The following ANP32B variants were observed in gnomAD, a reference collection of about 807,000 sequenced individuals.
ANP32B encodes the protein acidic nuclear phosphoprotein 32 family member B.
In ANP32B, 6 loss-of-function variants were observed where a neutral mutation model predicts 32.2. The observed-to-expected ratio is 0.19, with a 90% confidence interval of 0.10 to 0.37. ANP32B has a LOEUF of 0.37. Among genes scored for constraint, ANP32B ranks in the 10% least tolerant of loss-of-function variants. ANP32B has a pLI of 1.00. For synonymous variants in ANP32B, 98 were observed against 105.8 expected (o/e 0.93, Z 0.45); for missense variants, 204 against 289.2 (o/e 0.71, Z 2.14).
chr9:97,983,834 T>TG (rs1827644592), intron 1 of ANP32B, among the ~76,000 whole-genome samples: 2 of 150,862 alleles, frequency 1.3e-5, no homozygotes, highest in African/African-American at 4.9e-5. Context: ...GGCAGCGGTG[T>TG]GGGGGAAAGC....
intron 3 of ANP32B, among the ~76,000 whole-genome samples, chr9:98,001,851 TA>T (rs940444775): frequency 2.7e-4 from 39 of 145,060 alleles, no homozygotes; most frequent in East Asian, 6.0e-4. Flanking sequence ...TTAGTAATTG[TA>T]AAAAAAAAAA....
rs761031783 is a variant in ANP32B at position 98,011,372 on chromosome 9, G to A, written c.619G>A (p.Asp207Asn). 7.6e-6 allele frequency: 12 copies of A among 1,578,650 alleles called. No homozygotes were observed. The highest frequency in any genetic ancestry group is 1.8e-5 in the Admixed American group (1 of 56,136). The change falls in exon 5 of 7, where the codon GAT (aspartate) becomes AAT (asparagine). Residue 207 changes from aspartate to asparagine, a missense_variant. Physicochemically the swap from Asp to Asn is conservative, Grantham distance 23 (BLOSUM62 1). Transcript: ENST00000339399. ...AGATGTAGAAGGGGATGAGGACGACGATGAAGTCAGTGAGGAGGTCAGTGC... is the reference window on the plus strand; with the variant it reads ...AGATGTAGAAGGGGATGAGGACGACAATGAAGTCAGTGAGGAGGTCAGTGC... ...DEDVEGDEDD[D>N]EVSEEEEEFG...
intron 1 of ANP32B, among the ~76,000 whole-genome samples, chr9:97,991,048 C>G (rs912142298): frequency 2.6e-5 from 4 of 151,762 alleles, no homozygotes; most frequent in African/African-American, 9.7e-5. Flanking sequence ...TCTCAAACTC[C>G]TGACCTCAGG....
chr9:98,011,164 C>G (rs202052250), intron 4 of ANP32B, 107 bp from the exon 5 acceptor site: 154 of 1,447,714 alleles, frequency 1.1e-4, no homozygotes, highest in Middle Eastern at 5.5e-4. Flanking sequence ...GACTGCAGTT[C>G]GTGGCCTTAC....
At chr9:97,985,218 T>G (rs1038759706) in intron 1 of ANP32B, among the ~76,000 whole-genome samples, 2 of 152,060 alleles carry the variant, frequency 1.3e-5, no homozygotes, top group Non-Finnish European at 2.9e-5. Context: ...CTCAGGTGGC[T>G]GTGGTTAACA....
chr9:97,984,729 A>C (rs1827677799), intron 1 of ANP32B: 1 of 148,730 alleles, frequency 6.7e-6, no homozygotes, highest in Non-Finnish European at 1.5e-5. Context: ...CTTGGCTCCC[A>C]CTGGCGGGAG....
Position 98,015,499 on chromosome 9 carries a change from G to GT in ANP32B, c.*71dup, listed in dbSNP as rs1828261330. ...TGGACTGCTCATGGATTTTGTAGCT[G>GT]TTTAAAAAAAAAAAAAAGGTAGCTG... On this transcript the variant is annotated 3_prime_UTR_variant, in exon 7 of 7. Transcript: ENST00000339399. 3 of 1,439,662 alleles carry GT rather than the reference G, an allele frequency of 2.1e-6. No individual in the cohort carries two copies. Among genetic ancestry groups the GT allele is most frequent in the Non-Finnish European group, 2.7e-6 (3 of 1,092,984 alleles). The allele number at this position is 1,439,662 out of a possible 1,614,324, so 89.2% of individuals were successfully genotyped here. A position where few individuals can be genotyped will look rare whatever the true frequency, so the allele number is the denominator to read the frequency against.
At chr9:97,990,743 C>CT (rs1827810389) in intron 1 of ANP32B, among the ~76,000 whole-genome samples, 2 of 151,716 alleles carry the variant, frequency 1.3e-5, no homozygotes, top group African/African-American at 2.4e-5. Flanking sequence ...CTTGAAGGAG[C>CT]TGTCCCTCCT....
At chr9:98,008,747 G>A (rs1034163801) in intron 4 of ANP32B, among the ~76,000 whole-genome samples, 2 of 152,168 alleles carry the variant, frequency 1.3e-5, no homozygotes, top group African/African-American at 2.4e-5. Context: ...CTGTCTAGTT[G>A]CAGGGAAAAC....
At chr9:98,002,987 C>T (rs2131587987) in intron 3 of ANP32B, among the ~76,000 whole-genome samples, 1 of 152,252 alleles carries the variant, frequency 6.6e-6, no homozygotes, top group South Asian at 2.1e-4. Context: ...GAAGAGAAAG[C>T]CAGTATGCTA....
At chr9:98,006,399 C>T (rs955330509) in intron 4 of ANP32B, among the ~76,000 whole-genome samples, 1 of 152,048 alleles carries the variant, frequency 6.6e-6, no homozygotes, top group African/African-American at 2.4e-5. Context: ...TTACCACTTC[C>T]ATCCACACCT....
At chr9:98,014,332 C>T (rs994657907) in intron 6 of ANP32B, among the ~76,000 whole-genome samples, 1 of 150,692 alleles carries the variant, frequency 6.6e-6, no homozygotes, top group Admixed American at 6.6e-5. Flanking sequence ...GGCATGAACC[C>T]GGGAGGCGGA....
At chr9:97,996,662 C>T (rs1026900359) in intron 2 of ANP32B, among the ~76,000 whole-genome samples, 31 of 151,992 alleles carry the variant, frequency 2.0e-4, no homozygotes, top group African/African-American at 7.5e-4. Context: ...GGTGCCATCT[C>T]GGCTCACTGC....
At chr9:97,988,089 A>G (rs1016205930) in intron 1 of ANP32B, among the ~76,000 whole-genome samples, 2 of 152,168 alleles carry the variant, frequency 1.3e-5, no homozygotes, top group African/African-American at 4.8e-5. Context: ...AATTTTTTCT[A>G]AACTTGGTTC....
intron 3 of ANP32B, 152 bp downstream of exon 3, chr9:97,998,830 C>A (rs566116512): frequency 6.6e-6 from 1 of 150,698 alleles, no homozygotes; most frequent in East Asian, 9.5e-5. Context: ...TTTTTTGAGA[C>A]GGAGTCTCGC....
chr9:97,990,814 C>CTTTTTTTTTTTTTT (rs34489949), intron 1 of ANP32B, among the ~76,000 whole-genome samples: 1 of 98,892 alleles, frequency 1.0e-5, no homozygotes, highest in African/African-American at 3.9e-5. Flanking sequence ...ACAGTTGAAC[C>CTTTTTTTTTTTTTT]TTTTTTTTTT....
At chr9:98,014,457 C>G (rs1828241323) in intron 6 of ANP32B, among the ~76,000 whole-genome samples, 1 of 151,716 alleles carries the variant, frequency 6.6e-6, no homozygotes, top group Admixed American at 6.6e-5. Flanking sequence ...TAGTTAATTT[C>G]ATTAAAATAA....
Position 97,992,183 on chromosome 9 carries a change from A to G in ANP32B, c.55-2448A>G, listed in dbSNP as rs145913347. On this transcript the variant is annotated intron_variant, in intron 1 of 6. Transcript: ENST00000339399. The stretch of plus-strand genomic sequence containing the variant: ...CAGCTCACTGCAACTTCTGCCTCCC[A>G]GGTTCAAGCAATTCTCCTGCCTCAG... Among the ~76,000 whole-genome samples the G allele has an allele frequency of 1.9e-3, 289 of 152,150 alleles. 1 individual carries two copies. Among genetic ancestry groups the G allele is most frequent in the African/African-American group, 6.8e-3 (284 of 41,506 alleles).
At chr9:98,012,571 T>C (rs898272288) in intron 6 of ANP32B, 99 bp downstream of exon 6, 23 of 1,523,162 alleles carry the variant, frequency 1.5e-5, no homozygotes, top group Non-Finnish European at 1.9e-5. Context: ...AATAAAATAC[T>C]CTTGGCTCTG....
Sources: gnomAD v4.1 joint callset for allele counts (sites outside exome capture counted in the v4.1 genomes callset) on GRCh38, gnomAD v4.1.1 for gene constraint, MANE v1.5 for transcripts, NCBI Gene and HGNC (gene_info 2026-07-23, HGNC 2026-07-21) for gene names.